Variants in TTLL7 observed in about 807,000 individuals in gnomAD.
TTLL7 encodes tubulin polyglutamylase TTLL7.
Under a neutral mutation model 120.2 loss-of-function variants are expected in TTLL7, and 53 were observed. The observed-to-expected ratio is 0.44, with a 90% CI of 0.35 to 0.55. The LOEUF (loss-of-function observed/expected upper bound fraction) is 0.55, where lower values mean the gene tolerates loss of function less well. Ranked by LOEUF, TTLL7 falls within the 20% of genes least tolerant of loss-of-function variation. The probability of loss-of-function intolerance (pLI) is 0.00; values close to 1 mark genes in which losing one functional copy is unlikely to be tolerated. For missense variants in TTLL7, 803 were observed against 1,054.7 expected (o/e 0.76, Z 3.31); for synonymous variants, 353 against 351.7 (o/e 1.00, Z -0.04).
intron 14 of TTLL7, among the ~76,000 whole-genome samples, chr1:83,917,060 C>A (rs1658253378): frequency 6.8e-6 from 1 of 147,222 alleles, no homozygotes; most frequent in Non-Finnish European, 1.5e-5. Context: ...ATGAACATAC[C>A]ACTGGACTTT....
intron 1 of TTLL7, among the ~76,000 whole-genome samples, chr1:83,986,863 A>C (rs1434226123): frequency 6.6e-6 from 1 of 152,190 alleles, no homozygotes; most frequent in African/African-American, 2.4e-5. Flanking sequence ...AAGAAGAAGA[A>C]GGCAAGGATG....
At chr1:83,893,296 C>T (rs868604941) in intron 18 of TTLL7, among the ~76,000 whole-genome samples, 1 of 151,874 alleles carries the variant, frequency 6.6e-6, no homozygotes, top group African/African-American at 2.4e-5. Flanking sequence ...AATTTGTAAA[C>T]CCCAAAAAAC....
intron 1 of TTLL7, among the ~76,000 whole-genome samples, chr1:83,967,945 CT>C (rs1209141309): frequency 1.3e-5 from 2 of 151,908 alleles, no homozygotes; most frequent in Non-Finnish European, 2.9e-5. Flanking sequence ...AAGGAAGACA[CT>C]TTTATTCAAG....
At chr1:83,900,101 A>C in intron 18 of TTLL7, 1 of 408,602 alleles carries the variant, frequency 2.4e-6, no homozygotes, top group Non-Finnish European at 4.8e-6. Context: ...TCATTTAATC[A>C]TCCCATCAAT....
chr1:83,872,196 A>C (rs1235831648), intron 20 of TTLL7, among the ~76,000 whole-genome samples: 1 of 152,204 alleles, frequency 6.6e-6, no homozygotes, highest in East Asian at 1.9e-4. Context: ...TAAACCTATT[A>C]CCTAATATCA....
At chr1:83,927,376 C>T (rs1659222492) in intron 10 of TTLL7, among the ~76,000 whole-genome samples, 2 of 152,104 alleles carry the variant, frequency 1.3e-5, no homozygotes, top group Non-Finnish European at 2.9e-5. Flanking sequence ...CCTTCTAGAG[C>T]TCCAAGAAAG....
At chr1:83,912,356 A>G (rs897555612) in intron 14 of TTLL7, 1 of 152,162 alleles carries the variant, frequency 6.6e-6, no homozygotes, top group Non-Finnish European at 1.5e-5. Context: ...GGGACGTGGG[A>G]CAGCTTCACA....
At chr1:83,991,925 A>C (rs1338161135) in intron 1 of TTLL7, among the ~76,000 whole-genome samples, 3 of 152,146 alleles carry the variant, frequency 2.0e-5, no homozygotes, top group Admixed American at 1.3e-4. Flanking sequence ...GTAGGTTCTA[A>C]AAACAAAATT....
intron 1 of TTLL7, chr1:83,979,519 A>G (rs553461900): frequency 6.6e-6 from 1 of 152,330 alleles, no homozygotes; most frequent in East Asian, 1.9e-4. Context: ...GTTTAACTAC[A>G]CCTACATTTT....
intron 1 of TTLL7, among the ~76,000 whole-genome samples, chr1:83,954,511 A>G (rs764172930): frequency 4.6e-4 from 70 of 152,224 alleles, no homozygotes; most frequent in Non-Finnish European, 7.5e-4. Flanking sequence ...ACTTTCCAAA[A>G]GCAGAAAACA....
chr1:83,909,781 C>G (rs1008838993), intron 15 of TTLL7, among the ~76,000 whole-genome samples: 1 of 151,954 alleles, frequency 6.6e-6, no homozygotes, highest in African/African-American at 2.4e-5. Context: ...AATTTTACTC[C>G]AACCTGTCCT....
At chr1:83,917,487 G>T in intron 14 of TTLL7, 117 bp downstream of exon 14, 1 of 690,902 alleles carries the variant, frequency 1.4e-6, no homozygotes, top group South Asian at 2.1e-5. Context: ...ACCTGCACTG[G>T]GCACACAGTC....
At chr1:83,872,497 A>C (rs1653523541) in intron 20 of TTLL7, among the ~76,000 whole-genome samples, 1 of 152,234 alleles carries the variant, frequency 6.6e-6, no homozygotes, top group Admixed American at 6.5e-5. Context: ...GTGTTTTATC[A>C]AAATCCACTA....
chr1:83,965,770 A>C (rs951904459), intron 1 of TTLL7, among the ~76,000 whole-genome samples: 1 of 152,108 alleles, frequency 6.6e-6, no homozygotes, highest in African/African-American at 2.4e-5. Context: ...TTATTTATTT[A>C]AATTATTAAA....
At chr1:83,963,320 T>C (rs1207159886) in intron 1 of TTLL7, among the ~76,000 whole-genome samples, 1 of 152,114 alleles carries the variant, frequency 6.6e-6, no homozygotes, top group Non-Finnish European at 1.5e-5. Context: ...CAGGTTCTTT[T>C]GTGAGCTGTG....
chr1:83,907,316 G>T, intron 16 of TTLL7, 140 bp downstream of exon 16: 3 of 697,522 alleles, frequency 4.3e-6, no homozygotes, highest in Non-Finnish European at 7.2e-6. Flanking sequence ...GCTAAGGTAG[G>T]TGAATAATCC....
intron 5 of TTLL7, 23 bp downstream of exon 5, chr1:83,948,605 C>T: frequency 6.5e-7 from 1 of 1,530,466 alleles, no homozygotes; most frequent in Non-Finnish European, 9.0e-7. Flanking sequence ...AGGTCTTCTC[C>T]ATTACAAGAA....
chr1:83,968,741 A>G (rs1650710651), intron 1 of TTLL7, among the ~76,000 whole-genome samples: 1 of 152,052 alleles, frequency 6.6e-6, no homozygotes, highest in African/African-American at 2.4e-5. Flanking sequence ...AGCCGACTTC[A>G]TGATCTAAAT....
rs1302426823 is a variant in TTLL7, at chr1:83,949,998, C to T, written c.158-12G>A. ...TATTACTAAACGAACTGCAAGTAAA[C>T]AGTTAAGTTAAACCAAAATTAAAAT... On this transcript the variant is annotated splice_polypyrimidine_tract_variant and intron_variant, in intron 3 of 20. Coordinates refer to ENST00000260505, the MANE Select transcript of TTLL7 (RefSeq NM_024686.6). 1 of 1,598,728 alleles carries T rather than the reference C, an allele frequency of 6.3e-7. No homozygotes were observed. Among genetic ancestry groups the T allele is most frequent in the East Asian group, 2.2e-5 (1 of 44,620 alleles).
Sources: allele counts gnomAD v4.1 joint callset (sites outside exome capture counted in the v4.1 genomes callset), GRCh38; gene constraint gnomAD v4.1.1; transcripts MANE v1.5; gene names NCBI Gene and HGNC (gene_info 2026-07-23, HGNC 2026-07-21).